FAR2: variants seen among roughly 807,000 people sequenced by gnomAD.
The protein encoded by FAR2 is epididymis secretory protein Li 81.
FAR2 carries 19 observed loss-of-function variants against 56.0 expected under a neutral mutation model. The ratio of observed to expected loss-of-function variants is 0.34; its 90% confidence interval spans 0.24 to 0.50. The LOEUF is 0.50. Among genes scored for constraint, FAR2 ranks in the 20% least tolerant of loss-of-function variants. The pLI is 0.98. For missense variants in FAR2, 508 were observed against 642.2 expected (o/e 0.79, Z 2.26); for synonymous variants, 219 against 218.8 (o/e 1.00, Z -0.01).
Position 29,293,411 on chromosome 12 carries a change from C to G in FAR2, c.301C>G (p.Leu101Val). The change falls in exon 3 of 12, where the codon CTT becomes GTT. Residue 101 changes from leucine (L) to valine (V), a missense_variant. Physicochemically the swap from Leu to Val is conservative, Grantham distance 32. Coordinates refer to ENST00000536681, the MANE Select transcript of FAR2 (RefSeq NM_001271783.2). ...FAISKEDMQE[L>V]LSCTNIIFHC... ...CATCAGCAAAGAGGACATGCAGGAG[C>G]TTCTCTCCTGTACAAACATAATATT... The G allele has an allele frequency of 6.2e-7, 1 of 1,611,820 alleles. No homozygotes were observed.
intron 2 of FAR2, among the ~76,000 whole-genome samples, chr12:29,287,707 G>A (rs749501491): frequency 3.3e-5 from 5 of 152,114 alleles, no homozygotes; most frequent in South Asian, 4.1e-4. Flanking sequence ...AGAGAAAGAC[G>A]TAGTAAAATG....
intron 10 of FAR2, among the ~76,000 whole-genome samples, chr12:29,328,876 A>G (rs1214065387): frequency 6.6e-6 from 1 of 152,084 alleles, no homozygotes; most frequent in Non-Finnish European, 1.5e-5. Context: ...CACGTATCCT[A>G]AAACTTAAAA....
chr12:29,277,130 ACCG>A (rs1948712997), intron 2 of FAR2, among the ~76,000 whole-genome samples: 1 of 152,106 alleles, frequency 6.6e-6, no homozygotes, highest in South Asian at 2.1e-4. Flanking sequence ...GGCATCTGCC[ACCG>A]CGCCTGGCTA....
chr12:29,180,475 A>G (rs1949981563), intron 1 of FAR2, among the ~76,000 whole-genome samples: 1 of 152,098 alleles, frequency 6.6e-6, no homozygotes, highest in Admixed American at 6.6e-5. Flanking sequence ...CACATCCTTC[A>G]TGTTTAGGGA....
At chr12:29,209,070 C>G (rs1277333719) in intron 1 of FAR2, among the ~76,000 whole-genome samples, 4 of 150,738 alleles carry the variant, frequency 2.7e-5, no homozygotes, top group Non-Finnish European at 5.9e-5. Context: ...TAATTCAGAC[C>G]TGAACTAATC....
intron 8 of FAR2, among the ~76,000 whole-genome samples, chr12:29,314,220 A>G (rs1431890705): frequency 6.6e-6 from 1 of 152,196 alleles, no homozygotes; most frequent in Non-Finnish European, 1.5e-5. Context: ...CTTGGGCTTT[A>G]AGATCTAATA....
In FAR2 at chr12:29,217,984, AGAG is replaced by A. The variant is rs143213052; in HGVS notation, c.-38-52407_-38-52405del. On this transcript the variant is annotated intron_variant, in intron 1 of 11. Coordinates refer to ENST00000536681, the MANE Select transcript of FAR2 (RefSeq NM_001271783.2). ...AATGGAATTCTGAAGAAGAAGACAA[AGAG>A]GAGGAGGAGGAGGAGGAGGAAGAAT... is the stretch of plus-strand genomic sequence containing the variant. Among the ~76,000 whole-genome samples the A allele has an allele frequency of 1.8e-3, 275 of 151,404 alleles. 1 individual carries two copies. Among genetic ancestry groups the A allele is most frequent in the South Asian group, 2.9e-3 (14 of 4,802 alleles).
intron 1 of FAR2, among the ~76,000 whole-genome samples, chr12:29,181,258 A>C (rs945663808): frequency 2.0e-5 from 3 of 152,166 alleles, no homozygotes; most frequent in African/African-American, 7.2e-5. Flanking sequence ...TAATAAAAGC[A>C]CTTATTAAAC....
intron 1 of FAR2, among the ~76,000 whole-genome samples, chr12:29,190,166 G>A (rs1029990573): frequency 1.3e-5 from 2 of 152,308 alleles, no homozygotes; most frequent in Admixed American, 6.5e-5. Flanking sequence ...CTTTAGACAA[G>A]GTGACAAGTC....
chr12:29,262,207 GT>G (rs35890746), intron 1 of FAR2, among the ~76,000 whole-genome samples: 6 of 150,906 alleles, frequency 4.0e-5, no homozygotes, highest in Non-Finnish European at 5.9e-5. Flanking sequence ...CTTTTTGTGT[GT>G]TTTTTTTTGT....
intron 10 of FAR2, among the ~76,000 whole-genome samples, chr12:29,323,118 A>C (rs1949580509): frequency 1.3e-5 from 2 of 152,236 alleles, no homozygotes; most frequent in African/African-American, 4.8e-5. Context: ...CATGGCTTGG[A>C]GGGTCCTATG....
chr12:29,170,263 A>T (rs2136586105), intron 1 of FAR2, among the ~76,000 whole-genome samples: 1 of 152,360 alleles, frequency 6.6e-6, no homozygotes, highest in South Asian at 2.1e-4. Context: ...GGGAGGAAAC[A>T]TCTATCTCCT....
intron 1 of FAR2, among the ~76,000 whole-genome samples, chr12:29,197,085 T>C (rs1384789269): frequency 6.6e-6 from 1 of 152,188 alleles, no homozygotes; most frequent in Non-Finnish European, 1.5e-5. Context: ...AAAATAGGCA[T>C]GAAGCAACAT....
At chr12:29,255,430 C>CCT (rs1231973320) in intron 1 of FAR2, among the ~76,000 whole-genome samples, 1 of 152,132 alleles carries the variant, frequency 6.6e-6, no homozygotes, top group Non-Finnish European at 1.5e-5. Context: ...AGGGCTTCAA[C>CCT]ACATGAATTT....
chr12:29,158,437 A>G (rs778065031), intron 1 of FAR2, among the ~76,000 whole-genome samples: 1 of 152,226 alleles, frequency 6.6e-6, no homozygotes, highest in Non-Finnish European at 1.5e-5. Flanking sequence ...CCTTCATCCA[A>G]ATGAGCAGTT....
chr12:29,327,327 C>T (rs1949665475), intron 10 of FAR2, among the ~76,000 whole-genome samples: 1 of 152,096 alleles, frequency 6.6e-6, no homozygotes, highest in Non-Finnish European at 1.5e-5. Context: ...GGCCATACTG[C>T]CCAAGGTAAT....
At chr12:29,175,048 G>A (rs113334646) in intron 1 of FAR2, among the ~76,000 whole-genome samples, 1 of 152,142 alleles carries the variant, frequency 6.6e-6, no homozygotes, top group Non-Finnish European at 1.5e-5. Context: ...CAGAAAGCCT[G>A]ACACTCATGT....
intron 1 of FAR2, among the ~76,000 whole-genome samples, chr12:29,220,991 C>G (rs1278182014): frequency 6.6e-6 from 1 of 152,100 alleles, no homozygotes; most frequent in Non-Finnish European, 1.5e-5. Flanking sequence ...CCACATTGGG[C>G]TGCCAGCGCT....
chr12:29,318,779 T>C (rs1039793758), intron 9 of FAR2, among the ~76,000 whole-genome samples: 3 of 152,192 alleles, frequency 2.0e-5, no homozygotes, highest in Non-Finnish European at 4.4e-5. Context: ...GTCTTTTTTT[T>C]CTACTGCAAA....
Sources: gnomAD v4.1 joint callset for allele counts (sites outside exome capture counted in the v4.1 genomes callset) on GRCh38, gnomAD v4.1.1 for gene constraint, MANE v1.5 for transcripts, NCBI Gene and HGNC (gene_info 2026-07-23, HGNC 2026-07-21) for gene names.